FCAR: variants seen among roughly 807,000 people sequenced by gnomAD.
FCAR encodes Fc alpha receptor, also known as immunoglobulin alpha Fc receptor.
Under a neutral mutation model 27.1 loss-of-function variants are expected in FCAR, and 21 were observed. The ratio of observed to expected loss-of-function variants is 0.77; its 90% CI spans 0.55 to 1.11. FCAR has a LOEUF of 1.11. Among genes scored for constraint, FCAR ranks in the 50% most tolerant of loss-of-function variants. FCAR has a pLI of 0.00. For synonymous variants in FCAR, 134 were observed against 135.8 expected, an observed-to-expected ratio of 0.99 and a Z score of 0.09; for missense variants, 404 against 358.4, an observed-to-expected ratio of 1.13 and a Z score of -1.03.
chr19:54,875,404 C>A lies in FCAR; in HGVS notation c.70+39C>A, dbSNP rs762022307. ...AAATCTCTCCCAGCCCCTTTAGACC[C>A]TCTTGGGAGCTCTAGGATAAAGAAA... is the stretch of plus-strand genomic sequence containing the variant. On this transcript the variant is annotated intron_variant, in intron 2 of 4. Coordinates refer to ENST00000355524, the MANE Select transcript of FCAR (RefSeq NM_002000.4). 1.3e-5 allele frequency: 20 copies of A among 1,546,070 alleles called. No homozygotes were observed. The African/African-American group carries it at 2.6e-4, about 20-fold the overall frequency.
At chr19:54,877,414 T>C (rs770818449) in intron 2 of FCAR, among the ~76,000 whole-genome samples, 2 of 152,326 alleles carry the variant, frequency 1.3e-5, no homozygotes, top group African/African-American at 2.4e-5. Context: ...TCTCTGATGA[T>C]TGTATTTCTG....
chr19:54,891,208 A>T lies in FCAR; in HGVS notation c.*1345A>T, dbSNP rs766879082. On this transcript the variant is annotated 3_prime_UTR_variant, in exon 5 of 5. Coordinates refer to ENST00000355524, the MANE Select transcript of FCAR (RefSeq NM_002000.4). ...ACTCAAGGAAATCTAAGTTGGTCAT[A>T]TGTGGCTCTTTCACTGATTGCTATT... 1 of 152,128 alleles carries T rather than the reference A, an allele frequency of 6.6e-6. No individual in the cohort carries two copies. The highest frequency in any genetic ancestry group is 1.5e-5 in the Non-Finnish European group (1 of 68,024). 9.4% of individuals were successfully genotyped at this position (152,128 alleles called of 1,614,324 possible). A position where few individuals can be genotyped will look rare whatever the true frequency, so the allele number is the denominator to read the frequency against.
intron 2 of FCAR, among the ~76,000 whole-genome samples, chr19:54,884,892 T>C (rs1027237521): frequency 6.6e-6 from 1 of 151,158 alleles, no homozygotes; most frequent in African/African-American, 2.4e-5. Context: ...CTGCAAGCTC[T>C]GCCTCCCAGG....
At chr19:54,875,441 C>G (rs987230997) in intron 2 of FCAR, 76 bp downstream of exon 2, 2 of 1,139,060 alleles carry the variant, frequency 1.8e-6, no homozygotes, top group Non-Finnish European at 1.3e-6. Flanking sequence ...TGAAGAATAG[C>G]CTGAAGCACC....
chr19:54,875,936 GAAC>G (rs960002878), intron 2 of FCAR, among the ~76,000 whole-genome samples: 28 of 152,094 alleles, frequency 1.8e-4, no homozygotes, highest in African/African-American at 6.3e-4. Context: ...TTTGTGTGTT[GAAC>G]AATACTCATT....
chr19:54,891,303 A>G lies in FCAR; in HGVS notation c.*1440A>G, dbSNP rs1034525801. 2 of 152,178 alleles carry G rather than the reference A, an allele frequency of 1.3e-5. No individual in the cohort carries two copies. Among genetic ancestry groups the G allele is most frequent in the African/African-American group, 4.8e-5 (2 of 41,426 alleles). The allele number at this position is 152,178 out of a possible 1,614,324, so 9.4% of individuals were successfully genotyped here. ...ATGTAAGGGTCCTACTTCCAGTGAA[A>G]CTGAAGGGACTTAGGCCCACTTTTA... On this transcript the variant is annotated 3_prime_UTR_variant, in exon 5 of 5. Coordinates refer to ENST00000355524, the MANE Select transcript of FCAR (RefSeq NM_002000.4).
In FCAR at chr19:54,885,364, C is replaced by G; in HGVS notation, c.200C>G (p.Thr67Arg). 1 of 1,614,078 alleles carries G rather than the reference C, an allele frequency of 6.2e-7. No individual in the cohort carries two copies. Among genetic ancestry groups the G allele is most frequent in the African/African-American group, 1.3e-5 (1 of 75,004 alleles). ...LTQLMIIKNS[T>R]YREIGRRLKF... The stretch of plus-strand genomic sequence containing the variant: ...CAGCTGATGATCATAAAAAACTCCA[C>G]GTACCGAGAGATAGGCAGAAGACTG... The change falls in exon 3 of 5, where the codon ACG becomes AGG. Residue 67 changes from threonine (T) to arginine (R), a missense_variant. Thr to Arg is a moderately conservative substitution (Grantham distance 71). Coordinates refer to ENST00000355524, the MANE Select transcript of FCAR (RefSeq NM_002000.4).
chr19:54,883,470 T>C (rs2066532362), intron 2 of FCAR, among the ~76,000 whole-genome samples: 2 of 152,106 alleles, frequency 1.3e-5, no homozygotes, highest in Non-Finnish European at 2.9e-5. Flanking sequence ...ACAGGCTGTA[T>C]CCTTCCCCGG....
intron 2 of FCAR, among the ~76,000 whole-genome samples, chr19:54,884,856 G>A (rs1264331517): frequency 6.6e-6 from 1 of 151,956 alleles, no homozygotes; most frequent in East Asian, 1.9e-4. Context: ...GCCCAGGCTG[G>A]AGTGCAGTGG....
intron 2 of FCAR, among the ~76,000 whole-genome samples, chr19:54,878,586 G>C (rs1410200079): frequency 1.3e-5 from 2 of 151,392 alleles, no homozygotes; most frequent in Non-Finnish European, 2.9e-5. Flanking sequence ...CAGCAGTTGG[G>C]CTATTACACA....
In FCAR at chr19:54,874,419, G is replaced by A. The variant is rs577908509; in HGVS notation, c.34+96G>A. On this transcript the variant is annotated intron_variant, in intron 1 of 4. Transcript: ENST00000355524. ...ACAGTGTGACTAGGAGATTTTAGTG[G>A]CTGCCAAGGAGATTCTGATCTCCTT... 106 of 1,235,270 alleles carry A rather than the reference G, an allele frequency of 8.6e-5. 3 individuals are homozygous for A. In the Middle Eastern group the frequency reaches 9.5e-4, roughly 11 times the overall value. The allele number at this position is 1,235,270 out of a possible 1,614,324, so 76.5% of individuals were successfully genotyped here.
chr19:54,876,815 G>A (rs1317015321), intron 2 of FCAR, among the ~76,000 whole-genome samples: 1 of 152,110 alleles, frequency 6.6e-6, no homozygotes, highest in Non-Finnish European at 1.5e-5. Flanking sequence ...CAGCTGCTCG[G>A]GAGGCTCAGG....
At position 54,889,947 on chromosome 19, in the gene FCAR, T is replaced by A; in HGVS notation, c.*84T>A. 1 of 1,011,534 alleles carries A rather than the reference T, an allele frequency of 9.9e-7. No homozygotes were observed. The highest frequency in any genetic ancestry group is 1.6e-5 in the African/African-American group (1 of 61,522). 62.7% of individuals were successfully genotyped at this position (1,011,534 alleles called of 1,614,324 possible). ...AAGGACACAAGAGAGAAAAGCTCAC[T>A]AAGAAGCTTGAATCTACTTTTTTTT... On this transcript the variant is annotated 3_prime_UTR_variant, in exon 5 of 5. Coordinates refer to ENST00000355524, the MANE Select transcript of FCAR (RefSeq NM_002000.4).
In FCAR at chr19:54,888,172, C is replaced by A; in HGVS notation, c.527C>A (p.Ala176Asp). Residue 176 changes from alanine to aspartate, a missense_variant, in exon 4 of 5, where the codon GCC becomes GAC. Physicochemically the swap from Ala to Asp is moderately radical, Grantham distance 126. Transcript: ENST00000355524. ...CAGCACCAAAGTGGGGAACACCCGG[C>A]CAACTTCTCTTTGGGTCCTGTGGAC... ...LPQHQSGEHP[A>D]NFSLGPVDLN... 6.2e-7 allele frequency: 1 copy of A among 1,614,176 alleles called. No individual in the cohort carries two copies. Among genetic ancestry groups the A allele is most frequent in the Non-Finnish European group, 8.5e-7 (1 of 1,180,034 alleles).
rs373544789 is a variant in FCAR at position 54,889,688 on chromosome 19, G to A, written c.689G>A (p.Arg230His). ...GATTACACGACGCAGAACTTGATCC[G>A]CATGGCCGTGGCAGGACTGGTCCTC... ...HQDYTTQNLI[R>H]MAVAGLVLVA... Residue 230 changes from arginine (R) to histidine (H), a missense_variant, in exon 5 of 5, where the codon CGC becomes CAC. By Grantham distance (29) the Arg-to-His change is conservative. Coordinates refer to ENST00000355524, the MANE Select transcript of FCAR (RefSeq NM_002000.4). 1.1e-4 allele frequency: 178 copies of A among 1,613,946 alleles called. No homozygotes were observed. The highest frequency in any genetic ancestry group is 2.2e-4 in the Admixed American group (13 of 60,000).
At chr19:54,888,572 G>A (rs1272454449) in intron 4 of FCAR, 2 of 1,196,278 alleles carry the variant, frequency 1.7e-6, no homozygotes, top group East Asian at 4.3e-5. Context: ...TTCCGGGATA[G>A]AGTCTTGCTC....
At chr19:54,876,046 A>G (rs1378810680) in intron 2 of FCAR, among the ~76,000 whole-genome samples, 1 of 151,964 alleles carries the variant, frequency 6.6e-6, no homozygotes, top group Non-Finnish European at 1.5e-5. Flanking sequence ...GAGATCTTTC[A>G]CCTCCCTGGT....
At chr19:54,883,181 ATT>A (rs60755830) in intron 2 of FCAR, among the ~76,000 whole-genome samples, 11 of 139,852 alleles carry the variant, frequency 7.9e-5, no homozygotes, top group Admixed American at 1.4e-4. Context: ...AATTTTTGTA[ATT>A]TTTTTTTTTT....
rs373585211 is a variant in FCAR, at chr19:54,884,380, C to G, written c.71-855C>G. On this transcript the variant is annotated intron_variant, in intron 2 of 4. Transcript: ENST00000355524. ...GGTGCGGTGGCTCACGCTTGTAATC[C>G]CAGCACTTTGGGAGGCCGAGGCAGG... is the stretch of plus-strand genomic sequence containing the variant. 2.5e-4 allele frequency among the ~76,000 whole-genome samples: 38 copies of G among 152,226 alleles called. No homozygotes were observed. In the East Asian group the frequency reaches 7.2e-3, roughly 29 times the overall value.
Sources: allele counts gnomAD v4.1 joint callset (sites outside exome capture counted in the v4.1 genomes callset), GRCh38; gene constraint gnomAD v4.1.1; transcripts MANE v1.5; gene names NCBI Gene and HGNC (gene_info 2026-07-23, HGNC 2026-07-21).